Variants in ZMAT3 observed in about 807,000 individuals in gnomAD.
ZMAT3 encodes the protein zinc finger matrin-type 3.
In ZMAT3, 17 loss-of-function variants were observed where a neutral mutation model predicts 32.3. That is an observed-to-expected ratio of 0.53 (90% confidence interval 0.36 to 0.79). The LOEUF is 0.79. ZMAT3 is among the 30% of genes least tolerant of loss of function. ZMAT3 has a pLI of 0.00. For missense variants in ZMAT3, 329 were observed against 359.7 expected, an observed-to-expected ratio of 0.91 and a Z score of 0.69; for synonymous variants, 120 against 133.1, an observed-to-expected ratio of 0.90 and a Z score of 0.68.
At chr3:179,050,153 CA>C (rs1258024212) in intron 2 of ZMAT3, among the ~76,000 whole-genome samples, 2 of 150,116 alleles carry the variant, frequency 1.3e-5, no homozygotes, top group Admixed American at 6.6e-5. Context: ...GAAATTGAAA[CA>C]AAAAAAATAC....
At position 179,019,868 on chromosome 3, in the gene ZMAT3, T is replaced by C. The variant is rs551486993; in HGVS notation, c.*5149A>G. The C allele has an allele frequency of 9.2e-5, 14 of 152,224 alleles. No individual in the cohort carries two copies. Among genetic ancestry groups the C allele is most frequent in the African/African-American group, 2.9e-4 (12 of 41,542 alleles). 9.4% of individuals were successfully genotyped at this position (152,224 alleles called of 1,614,324 possible). On this transcript the variant is annotated 3_prime_UTR_variant, in exon 6 of 6. Transcript: ENST00000311417. ...ACAAGTTTGAAAATGACCACTAGAATAAAGAATTTTTCCAAACATCAGTGT... is the reference window on the plus strand; with the variant it reads ...ACAAGTTTGAAAATGACCACTAGAACAAAGAATTTTTCCAAACATCAGTGT...
In ZMAT3 at chr3:179,023,926, TA is replaced by T. The variant is rs1301927113; in HGVS notation, c.*1090del. 6.6e-6 allele frequency: 1 copy of T among 150,544 alleles called. No individual in the cohort carries two copies. The highest frequency in any genetic ancestry group is 1.5e-5 in the Non-Finnish European group (1 of 67,776). The allele number at this position is 150,544 out of a possible 1,614,324, so 9.3% of individuals were successfully genotyped here. A position where few individuals can be genotyped will look rare whatever the true frequency, so the allele number is the denominator to read the frequency against. On this transcript the variant is annotated 3_prime_UTR_variant, in exon 6 of 6. Transcript: ENST00000311417. Reference sequence around the variant, plus strand: ...TAGTAGAGATGGGGTTTCACTGTGTTAGCCAGGATGATCTCGACCTCCTGAC... The same window carrying T: ...TAGTAGAGATGGGGTTTCACTGTGTTGCCAGGATGATCTCGACCTCCTGAC...
chr3:179,024,846 CG>C lies in ZMAT3; in HGVS notation c.*170del. 1.7e-6 allele frequency: 1 copy of C among 577,890 alleles called. No individual in the cohort carries two copies. Among genetic ancestry groups the C allele is most frequent in the East Asian group, 3.4e-5 (1 of 29,686 alleles). The allele number at this position is 577,890 out of a possible 1,614,324, so 35.8% of individuals were successfully genotyped here. On this transcript the variant is annotated 3_prime_UTR_variant, in exon 6 of 6. Coordinates refer to ENST00000311417, the MANE Select transcript of ZMAT3 (RefSeq NM_022470.4). The stretch of plus-strand genomic sequence containing the variant: ...CACGTTCTTCACACCCACCTCCCCC[CG>C]CCCCGCCCCCGGGCCCCCAGGTTTT...
At chr3:179,047,275 C>G (rs1720291261) in intron 2 of ZMAT3, among the ~76,000 whole-genome samples, 1 of 152,318 alleles carries the variant, frequency 6.6e-6, no homozygotes, top group Non-Finnish European at 1.5e-5. Flanking sequence ...TGCAGTTCAG[C>G]TCTCAGTAAG....
At chr3:179,049,775 G>A (rs1416416872) in intron 2 of ZMAT3, among the ~76,000 whole-genome samples, 1 of 151,924 alleles carries the variant, frequency 6.6e-6, no homozygotes, top group South Asian at 2.1e-4. Flanking sequence ...GGCGGATCAC[G>A]AGGTCAAGAG....
chr3:179,059,593 A>T (rs892826433), intron 2 of ZMAT3, among the ~76,000 whole-genome samples: 7 of 152,236 alleles, frequency 4.6e-5, no homozygotes, highest in Non-Finnish European at 8.8e-5. Context: ...AGGCTGTAAA[A>T]CTACAAATCG....
chr3:179,053,443 T>C (rs1462175753), intron 2 of ZMAT3, among the ~76,000 whole-genome samples: 1 of 152,118 alleles, frequency 6.6e-6, no homozygotes, highest in Non-Finnish European at 1.5e-5. Flanking sequence ...AAATCACCAT[T>C]TGGCAAATGC....
At chr3:179,057,366 G>A (rs1279292171) in intron 2 of ZMAT3, among the ~76,000 whole-genome samples, 3 of 132,452 alleles carry the variant, frequency 2.3e-5, no homozygotes, top group Non-Finnish European at 5.1e-5. Context: ...TTGCATCCCT[G>A]TACATCCTGA....
At chr3:179,060,390 T>C (rs1051153078) in intron 2 of ZMAT3, among the ~76,000 whole-genome samples, 2 of 151,924 alleles carry the variant, frequency 1.3e-5, no homozygotes, top group African/African-American at 4.8e-5. Context: ...AAAGAATATT[T>C]TTTTTTTTTG....
chr3:179,033,348 C>T (rs1211230940), intron 2 of ZMAT3, among the ~76,000 whole-genome samples: 1 of 152,090 alleles, frequency 6.6e-6, no homozygotes, highest in Non-Finnish European at 1.5e-5. Flanking sequence ...ACAAACACTG[C>T]GGAAGGCGGA....
At position 179,043,980 on chromosome 3, in the gene ZMAT3, C is replaced by CTCA. The variant is rs200253873; in HGVS notation, c.271-12984_271-12982dup. On this transcript the variant is annotated intron_variant, in intron 2 of 5. Coordinates refer to ENST00000311417, the MANE Select transcript of ZMAT3 (RefSeq NM_022470.4). The stretch of plus-strand genomic sequence containing the variant: ...CAGCCAACAGATACATGGAAAAATG[C>CTCA]TCATCATCATTCGTCGTCAGAGAAA... Among the ~76,000 whole-genome samples the CTCA allele has an allele frequency of 3.2e-3, 480 of 152,322 alleles. 4 individuals are homozygous for CTCA. In the East Asian group the frequency reaches 0.04, roughly 13 times the overall value.
At chr3:179,029,229 C>G (rs1719050280) in intron 3 of ZMAT3, among the ~76,000 whole-genome samples, 1 of 151,904 alleles carries the variant, frequency 6.6e-6, no homozygotes, top group Admixed American at 6.6e-5. Context: ...TGGAAAGTTA[C>G]TTAGCTCATC....
intron 2 of ZMAT3, among the ~76,000 whole-genome samples, chr3:179,047,359 CCT>C (rs1370376323): frequency 2.0e-5 from 3 of 152,186 alleles, no homozygotes; most frequent in Admixed American, 6.5e-5. Context: ...TGAAGAGCAG[CCT>C]CTGAGTCCCA....
At chr3:179,032,811 AC>A (rs1320180019) in intron 2 of ZMAT3, among the ~76,000 whole-genome samples, 2 of 149,326 alleles carry the variant, frequency 1.3e-5, no homozygotes, top group African/African-American at 5.0e-5. Context: ...CCCAGCAGCC[AC>A]CCCATCTGGG....
rs998047239 is a variant in ZMAT3, at chr3:179,020,939, G to C, written c.*4078C>G. The C allele has an allele frequency of 2.0e-5, 3 of 152,188 alleles. No individual in the cohort carries two copies. Among genetic ancestry groups the C allele is most frequent in the African/African-American group, 7.2e-5 (3 of 41,446 alleles). The allele number at this position is 152,188 out of a possible 1,614,324, so 9.4% of individuals were successfully genotyped here. A position where few individuals can be genotyped will look rare whatever the true frequency, so the allele number is the denominator to read the frequency against. On this transcript the variant is annotated 3_prime_UTR_variant, in exon 6 of 6. Transcript: ENST00000311417. ...AGCAAGCATATAGTTCTGTAGAAAA[G>C]CTTTCTAAAATGAGGTGGAAGATCT...
intron 2 of ZMAT3, among the ~76,000 whole-genome samples, chr3:179,055,452 G>A (rs1361327440): frequency 6.6e-6 from 1 of 151,938 alleles, no homozygotes; most frequent in Non-Finnish European, 1.5e-5. Flanking sequence ...GAAGCCCTCA[G>A]AGTCCACCTC....
At chr3:179,029,646 T>C (rs1190878310) in intron 3 of ZMAT3, among the ~76,000 whole-genome samples, 3 of 151,958 alleles carry the variant, frequency 2.0e-5, no homozygotes, top group African/African-American at 7.3e-5. Context: ...TTAAATTTAA[T>C]GCAAAAAATT....
chr3:179,034,776 A>G (rs1719491490), intron 2 of ZMAT3, among the ~76,000 whole-genome samples: 1 of 152,112 alleles, frequency 6.6e-6, no homozygotes, highest in South Asian at 2.1e-4. Flanking sequence ...CCACAAAATT[A>G]CCCAAGAAAA....
chr3:179,045,600 T>C (rs1048914455), intron 2 of ZMAT3, among the ~76,000 whole-genome samples: 12 of 152,182 alleles, frequency 7.9e-5, no homozygotes, highest in Non-Finnish European at 1.0e-4. Context: ...TATACTTATA[T>C]AAGGGAACAT....
Sources: allele counts gnomAD v4.1 joint callset (sites outside exome capture counted in the v4.1 genomes callset), GRCh38; gene constraint gnomAD v4.1.1; transcripts MANE v1.5; gene names NCBI Gene and HGNC (gene_info 2026-07-23, HGNC 2026-07-21).